Variants in RAB35 observed in about 807,000 individuals in gnomAD.
RAB35 encodes RAB35, member RAS oncogene family.
In RAB35, 4 loss-of-function variants were observed where a neutral mutation model predicts 28.9. The observed-to-expected ratio is 0.14, with a 90% CI of 0.07 to 0.32. RAB35 has a LOEUF of 0.32. Among genes scored for constraint, RAB35 ranks in the 10% least tolerant of loss-of-function variants. RAB35 has a pLI of 1.00. For missense variants in RAB35, 128 were observed against 274.0 expected (o/e 0.47, Z 3.76); for synonymous variants, 99 against 105.1 (o/e 0.94, Z 0.35).
rs1356585957 is a variant in RAB35, at chr12:120,095,833, C to T, written c.*1412G>A. ...GTGATCTGTGATGTGATTGTCCAAT[C>T]AGGGCTCTCCCTGGAAATCGCCTAG... On this transcript the variant is annotated 3_prime_UTR_variant, in exon 6 of 6. Transcript: ENST00000229340. 1 of 153,654 alleles carries T rather than the reference C, an allele frequency of 6.5e-6. No homozygotes were observed. Among genetic ancestry groups the T allele is most frequent in the Non-Finnish European group, 1.4e-5 (1 of 69,130 alleles). The allele number at this position is 153,654 out of a possible 1,614,324, so 9.5% of individuals were successfully genotyped here. A position where few individuals can be genotyped will look rare whatever the true frequency, so the allele number is the denominator to read the frequency against.
chr12:120,099,974 TC>T (rs1464589784), intron 3 of RAB35, among the ~76,000 whole-genome samples: 1 of 152,114 alleles, frequency 6.6e-6, no homozygotes, highest in African/African-American at 2.4e-5. Context: ...GCCAGAGCTG[TC>T]CCTCTGTCCC....
chr12:120,101,879 C>T (rs1423141181), intron 3 of RAB35, among the ~76,000 whole-genome samples: 1 of 152,370 alleles, frequency 6.6e-6, no homozygotes, highest in Admixed American at 6.5e-5. Context: ...ACCTTCTTCC[C>T]GCTCTGCCCA....
intron 1 of RAB35, among the ~76,000 whole-genome samples, chr12:120,112,101 G>A (rs985889237): frequency 1.3e-5 from 2 of 151,804 alleles, no homozygotes; most frequent in African/African-American, 2.4e-5. Flanking sequence ...CTCAGCCTCC[G>A]GAGTAGCTGG....
At chr12:120,105,129 G>A (rs1206691660) in intron 2 of RAB35, among the ~76,000 whole-genome samples, 1 of 152,198 alleles carries the variant, frequency 6.6e-6, no homozygotes, top group Non-Finnish European at 1.5e-5. Flanking sequence ...AAGGTGGGGT[G>A]GGGAACAAGG....
chr12:120,109,958 C>A (rs1403647068), intron 1 of RAB35, among the ~76,000 whole-genome samples: 11 of 152,186 alleles, frequency 7.2e-5, no homozygotes, highest in Non-Finnish European at 1.3e-4. Flanking sequence ...GTGTGGTGAG[C>A]CCTTGGATGC....
intron 2 of RAB35, among the ~76,000 whole-genome samples, chr12:120,107,793 G>A (rs1380890457): frequency 6.8e-6 from 1 of 147,084 alleles, no homozygotes; most frequent in Non-Finnish European, 1.5e-5. Context: ...CTTGAACCCA[G>A]GAGGCAGAGG....
chr12:120,106,725 A>T (rs1241792320), intron 2 of RAB35, among the ~76,000 whole-genome samples: 2 of 150,520 alleles, frequency 1.3e-5, no homozygotes, highest in Non-Finnish European at 2.9e-5. Context: ...AGTAGCCGGG[A>T]TTACAGGCAC....
At chr12:120,107,040 G>A (rs1404874808) in intron 2 of RAB35, among the ~76,000 whole-genome samples, 2 of 152,042 alleles carry the variant, frequency 1.3e-5, no homozygotes, top group Non-Finnish European at 2.9e-5. Context: ...TCAGGCTGGA[G>A]TGCAGTGGTG....
chr12:120,098,884 G>C lies in RAB35; in HGVS notation c.404C>G (p.Ala135Gly). Reference protein sequence around the residue: ...PERKVVETEDAYKFAGQMGIQ... With the variant: ...PERKVVETEDGYKFAGQMGIQ... ...GCCCATCTGCCCGGCGAATTTGTAG[G>C]CATCTTCCGTCTCCACCACCTTCCG... The change falls in exon 5 of 6, where the codon GCC (alanine) becomes GGC (glycine). Residue 135 changes from alanine to glycine, a missense_variant. By Grantham distance (60) the Ala-to-Gly change is moderately conservative. Coordinates refer to ENST00000229340, the MANE Select transcript of RAB35 (RefSeq NM_006861.7). 6.2e-7 allele frequency: 1 copy of C among 1,614,206 alleles called. No homozygotes were observed. The highest frequency in any genetic ancestry group is 8.5e-7 in the Non-Finnish European group (1 of 1,180,050).
intron 1 of RAB35, 102 bp downstream of exon 1, chr12:120,116,497 G>C: frequency 2.3e-3 from 975 of 416,840 alleles, no homozygotes; most frequent in Non-Finnish European, 2.9e-3. Context: ...CCGCCCGCCC[G>C]CCCCGCACGG....
Position 120,108,397 on chromosome 12 carries a change from C to G in RAB35, c.103+20G>C, listed in dbSNP as rs1345034263. 1 of 1,605,520 alleles carries G rather than the reference C, an allele frequency of 6.2e-7. No homozygotes were observed. Among genetic ancestry groups the G allele is most frequent in the Non-Finnish European group, 8.5e-7 (1 of 1,172,324 alleles). The stretch of plus-strand genomic sequence containing the variant: ...ACAAACAAAAACGACACCCCAGCAG[C>G]ACTGCAGGGGAGGACTCACCTGAGA... On this transcript the variant is annotated intron_variant, in intron 2 of 5. Coordinates refer to ENST00000229340, the MANE Select transcript of RAB35 (RefSeq NM_006861.7).
Position 120,103,398 on chromosome 12 carries a change from G to A in RAB35, c.227+428C>T, listed in dbSNP as rs1875738443. ...TTCCAAGGCATCAGTGCAGGTGACG[G>A]GAGCCTGCACAGGCCAACTCCAGCT... On this transcript the variant is annotated intron_variant, in intron 3 of 5. Coordinates refer to ENST00000229340, the MANE Select transcript of RAB35 (RefSeq NM_006861.7). The surrounding 1 kb of genome is among the most constrained non-coding windows in gnomAD (Gnocchi z 6.1). Among the ~76,000 whole-genome samples, 1 of 152,160 alleles carries A rather than the reference G, an allele frequency of 6.6e-6. No individual in the cohort carries two copies. Among genetic ancestry groups the A allele is most frequent in the Non-Finnish European group, 1.5e-5 (1 of 68,036 alleles).
At chr12:120,115,574 A>G (rs568588616) in intron 1 of RAB35, among the ~76,000 whole-genome samples, 4 of 152,294 alleles carry the variant, frequency 2.6e-5, no homozygotes, top group Admixed American at 2.6e-4. Context: ...GCCACACTCC[A>G]AACAGCTCTA....
At position 120,096,442 on chromosome 12, in the gene RAB35, G is replaced by C. The variant is rs1378145504; in HGVS notation, c.*803C>G. ...AAAATAATCCTCCCATAGCCCCCCT[G>C]CCAGCCCCATCTCTGCACGAACCTA... On this transcript the variant is annotated 3_prime_UTR_variant, in exon 6 of 6. Coordinates refer to ENST00000229340, the MANE Select transcript of RAB35 (RefSeq NM_006861.7). 2.1e-5 allele frequency: 27 copies of C among 1,288,554 alleles called. No homozygotes were observed. Among genetic ancestry groups the C allele is most frequent in the Non-Finnish European group, 2.7e-5 (27 of 987,966 alleles). 79.8% of individuals were successfully genotyped at this position (1,288,554 alleles called of 1,614,324 possible). A position where few individuals can be genotyped will look rare whatever the true frequency, so the allele number is the denominator to read the frequency against.
intron 3 of RAB35, among the ~76,000 whole-genome samples, chr12:120,101,147 G>A (rs1299738942): frequency 2.0e-5 from 3 of 152,218 alleles, no homozygotes; most frequent in East Asian, 1.9e-4. Context: ...GAGCACCGAC[G>A]TTTCCCATGG....
chr12:120,107,149 C>T (rs538592215), intron 2 of RAB35, among the ~76,000 whole-genome samples: 15 of 151,922 alleles, frequency 9.9e-5, no homozygotes, highest in South Asian at 6.2e-4. Flanking sequence ...CCACCACGCC[C>T]AGCTAATTTT....
At chr12:120,113,916 CAG>C (rs1383554332) in intron 1 of RAB35, among the ~76,000 whole-genome samples, 1 of 152,108 alleles carries the variant, frequency 6.6e-6, no homozygotes, top group East Asian at 1.9e-4. Context: ...CCACAATGTG[CAG>C]AGTGGGCAGA....
At chr12:120,105,275 C>T (rs2139054579) in intron 2 of RAB35, among the ~76,000 whole-genome samples, 1 of 152,278 alleles carries the variant, frequency 6.6e-6, no homozygotes, top group Non-Finnish European at 1.5e-5. Flanking sequence ...AGAACACATT[C>T]AGAAAAGCGG....
At chr12:120,112,719 G>A (rs991640718) in intron 1 of RAB35, among the ~76,000 whole-genome samples, 9 of 139,510 alleles carry the variant, frequency 6.5e-5, no homozygotes, top group African/African-American at 2.0e-4. Context: ...GTGAGCTACC[G>A]TGCCTGGACC....
Sources: allele counts gnomAD v4.1 joint callset (sites outside exome capture counted in the v4.1 genomes callset), GRCh38; gene constraint gnomAD v4.1.1; non-coding constraint Gnocchi (gnomAD v3.1); transcripts MANE v1.5; gene names NCBI Gene and HGNC (gene_info 2026-07-23, HGNC 2026-07-21).